The following MAD1L1 variants were observed in gnomAD, a reference collection of about 807,000 sequenced individuals.
The protein encoded by MAD1L1 is mitotic spindle assembly checkpoint protein MAD1.
Under a neutral mutation model 96.9 loss-of-function variants are expected in MAD1L1, and 95 were observed. The ratio of observed to expected loss-of-function variants is 0.98; its 90% CI spans 0.83 to 1.16. MAD1L1 has a LOEUF of 1.16. MAD1L1 is among the 50% of genes most tolerant of loss of function. MAD1L1 has a pLI of 0.00. For missense variants in MAD1L1, 1,007 were observed against 954.4 expected, an observed-to-expected ratio of 1.06 and a Z score of -0.73; for synonymous variants, 473 against 396.6, an observed-to-expected ratio of 1.19 and a Z score of -2.29.
chr7:2,062,250 GCAA>G (rs1319345223), intron 12 of MAD1L1, among the ~76,000 whole-genome samples: 14 of 88,506 alleles, frequency 1.6e-4, no homozygotes, highest in Admixed American at 1.4e-3. Context: ...TCAAAAAACA[GCAA>G]CGACAAAAAA....
intron 12 of MAD1L1, among the ~76,000 whole-genome samples, chr7:2,039,101 G>A (rs979202959): frequency 2.6e-5 from 4 of 152,132 alleles, no homozygotes; most frequent in Admixed American, 6.5e-5. Flanking sequence ...TTTTAATAAC[G>A]TCATGCAAAT....
chr7:1,941,154 C>G (rs967407329), intron 16 of MAD1L1, among the ~76,000 whole-genome samples: 4 of 152,186 alleles, frequency 2.6e-5, no homozygotes, highest in African/African-American at 9.7e-5. Context: ...CAGGAGGGGT[C>G]GGGGGTCAGC....
chr7:2,151,723 A>G (rs1789580191), intron 10 of MAD1L1, among the ~76,000 whole-genome samples: 1 of 152,228 alleles, frequency 6.6e-6, no homozygotes, highest in South Asian at 2.1e-4. Flanking sequence ...AGACCATGAT[A>G]AATGCAACCA....
At chr7:2,155,104 T>G (rs1299834951) in intron 10 of MAD1L1, among the ~76,000 whole-genome samples, 1 of 152,062 alleles carries the variant, frequency 6.6e-6, no homozygotes. Context: ...GGGGCTTCTG[T>G]GGCCTGGCAA....
At chr7:2,073,925 G>A (rs555685711) in intron 11 of MAD1L1, among the ~76,000 whole-genome samples, 14 of 152,292 alleles carry the variant, frequency 9.2e-5, no homozygotes, top group African/African-American at 3.1e-4. Flanking sequence ...TCGGGCCCGC[G>A]TCATCAGGGC....
In MAD1L1 at chr7:2,125,880, C is replaced by T. The variant is rs533554788; in HGVS notation, c.1073+23272G>A. Among the ~76,000 whole-genome samples the T allele has an allele frequency of 1.3e-3, 168 of 130,796 alleles. 1 individual carries two copies. The highest frequency in any genetic ancestry group is 2.1e-3 in the Non-Finnish European group (119 of 56,578). 85.8% of individuals were successfully genotyped at this position (130,796 alleles called of 152,430 possible). ...CGGACTACCTGAAAGTCAGCTTACG[C>T]GTCTGTTTTAAGCGTTGAGCCAGCA... is the stretch of plus-strand genomic sequence containing the variant. On this transcript the variant is annotated intron_variant, in intron 11 of 18. Coordinates refer to ENST00000265854, the MANE Select transcript of MAD1L1 (RefSeq NM_001013836.2).
At chr7:2,144,281 G>A (rs1789185060) in intron 11 of MAD1L1, among the ~76,000 whole-genome samples, 1 of 152,224 alleles carries the variant, frequency 6.6e-6, no homozygotes, top group South Asian at 2.1e-4. Context: ...GCATGGTGAG[G>A]GCAGATGCGA....
chr7:1,948,453 C>T (rs915644316), intron 16 of MAD1L1, among the ~76,000 whole-genome samples: 8 of 152,242 alleles, frequency 5.3e-5, no homozygotes, highest in African/African-American at 1.4e-4. Context: ...TGAGCCAGCA[C>T]GTCTGCCAAA....
intron 12 of MAD1L1, among the ~76,000 whole-genome samples, chr7:2,036,977 TC>T (rs1647613252): frequency 1.3e-5 from 2 of 150,386 alleles, no homozygotes; most frequent in South Asian, 4.3e-4. Context: ...CTCCCACAGC[TC>T]CCCCCACAGC....
At position 1,980,669 on chromosome 7, in the gene MAD1L1, A is replaced by G. The variant is rs552414242; in HGVS notation, c.1417-128T>C. 9.3e-6 allele frequency: 7 copies of G among 752,556 alleles called. No homozygotes were observed. The Admixed American group carries it at 1.2e-4, about 13-fold the overall frequency. 46.6% of individuals were successfully genotyped at this position (752,556 alleles called of 1,614,324 possible). Reference sequence around the variant, plus strand: ...CCCTGGGCTGGGAGCTGCGGGAGAGACCTCTCTCCTGGAAGCCTGAAGCTG... The same window carrying G: ...CCCTGGGCTGGGAGCTGCGGGAGAGGCCTCTCTCCTGGAAGCCTGAAGCTG... On this transcript the variant is annotated intron_variant, in intron 14 of 18. Coordinates refer to ENST00000265854, the MANE Select transcript of MAD1L1 (RefSeq NM_001013836.2).
At chr7:2,180,034 C>T (rs1158910670) in intron 10 of MAD1L1, among the ~76,000 whole-genome samples, 2 of 152,114 alleles carry the variant, frequency 1.3e-5, no homozygotes, top group African/African-American at 4.8e-5. Context: ...CTAATCTCTC[C>T]CAGGGCAAAA....
intron 18 of MAD1L1, among the ~76,000 whole-genome samples, chr7:1,826,471 G>A (rs903844659): frequency 3.9e-5 from 6 of 152,166 alleles, no homozygotes; most frequent in African/African-American, 1.2e-4. Flanking sequence ...TCCAGCTCCA[G>A]GCCCAGCCCA....
chr7:1,892,966 A>G (rs1786641597), intron 18 of MAD1L1, among the ~76,000 whole-genome samples: 1 of 152,154 alleles, frequency 6.6e-6, no homozygotes, highest in Admixed American at 6.5e-5. Context: ...TTTTGAGAAG[A>G]GGGGAAAAGG....
intron 12 of MAD1L1, among the ~76,000 whole-genome samples, chr7:2,020,895 T>G (rs771104463): frequency 6.7e-6 from 1 of 150,134 alleles, no homozygotes; most frequent in Non-Finnish European, 1.5e-5. Flanking sequence ...AAACTGAAAG[T>G]AGCAAGCTAA....
At chr7:2,099,122 A>C (rs1396794189) in intron 11 of MAD1L1, among the ~76,000 whole-genome samples, 1 of 152,184 alleles carries the variant, frequency 6.6e-6, no homozygotes, top group Non-Finnish European at 1.5e-5. Flanking sequence ...TGAGGCTCCT[A>C]AGCGCAGTGG....
intron 18 of MAD1L1, among the ~76,000 whole-genome samples, chr7:1,869,919 A>G (rs1360720875): frequency 1.3e-5 from 2 of 152,192 alleles, no homozygotes; most frequent in Non-Finnish European, 2.9e-5. Context: ...TGAGCCCAGG[A>G]AGCAACGGGG....
chr7:2,160,138 G>A (rs1790031599), intron 10 of MAD1L1, among the ~76,000 whole-genome samples: 1 of 151,946 alleles, frequency 6.6e-6, no homozygotes, highest in Non-Finnish European at 1.5e-5. Flanking sequence ...TGCTGAGGCG[G>A]GAGGATCTCT....
At chr7:2,041,936 C>T (rs116357764) in intron 12 of MAD1L1, among the ~76,000 whole-genome samples, 19 of 152,278 alleles carry the variant, frequency 1.2e-4, no homozygotes, top group African/African-American at 3.9e-4. Flanking sequence ...TCCAGAGAGG[C>T]GAGCAGAGCC....
At chr7:1,851,802 C>A (rs985557693) in intron 18 of MAD1L1, among the ~76,000 whole-genome samples, 1 of 152,190 alleles carries the variant, frequency 6.6e-6, no homozygotes, top group Admixed American at 6.5e-5. Flanking sequence ...CCTAACTGAT[C>A]TGTGACGCCT....
Sources: allele counts gnomAD v4.1 joint callset (sites outside exome capture counted in the v4.1 genomes callset), GRCh38; gene constraint gnomAD v4.1.1; transcripts MANE v1.5; gene names NCBI Gene and HGNC (gene_info 2026-07-23, HGNC 2026-07-21).